ADAMTS9: variants seen among roughly 807,000 people sequenced by gnomAD.
ADAMTS9 encodes the protein ADAM metallopeptidase with thrombospondin type 1 motif 9.
Under a neutral mutation model 257.1 loss-of-function variants are expected in ADAMTS9, and 107 were observed. The observed-to-expected ratio is 0.42, with a 90% CI of 0.36 to 0.49. ADAMTS9 has a LOEUF of 0.49. Among genes scored for constraint, ADAMTS9 ranks in the 20% least tolerant of loss-of-function variants. The pLI, the probability that ADAMTS9 is intolerant of heterozygous loss-of-function variation, is 0.03. For missense variants in ADAMTS9, 2,353 were observed against 2,469.1 expected (o/e 0.95, Z 1.00); for synonymous variants, 982 against 880.9 (o/e 1.11, Z -2.03).
In ADAMTS9 at chr3:64,596,979, A is replaced by G. The variant is rs200450871; in HGVS notation, c.4030T>C (p.Cys1344Arg). Residue 1344 changes from cysteine (C) to arginine (R), a missense_variant, in exon 27 of 40, where the codon TGT (cysteine) becomes CGT (arginine). Coordinates refer to ENST00000498707, the MANE Select transcript of ADAMTS9 (RefSeq NM_182920.2). ...TGPWGACSSTCAGGSQRRVVV... is the reference protein window; with the variant it reads ...TGPWGACSSTRAGGSQRRVVV... Reference sequence around the variant, plus strand: ...ACACGCCGCTGGGATCCGCCAGCACAGGTACTGGAACACTAAACACATCAG... The same window carrying G: ...ACACGCCGCTGGGATCCGCCAGCACGGGTACTGGAACACTAAACACATCAG... 1 of 1,613,934 alleles carries G rather than the reference A, an allele frequency of 6.2e-7. No homozygotes were observed. Among genetic ancestry groups the G allele is most frequent in the East Asian group, 2.2e-5 (1 of 44,852 alleles).
intron 29 of ADAMTS9, chr3:64,563,037 T>G (rs2083455234): frequency 6.6e-6 from 1 of 152,194 alleles, no homozygotes; most frequent in African/African-American, 2.4e-5. Context: ...TGGATCAACA[T>G]AGCTACTATT....
intron 37 of ADAMTS9, 86 bp from the exon 38 acceptor site, chr3:64,533,356 C>A (rs1273596708): frequency 9.6e-7 from 1 of 1,042,986 alleles, no homozygotes; most frequent in Non-Finnish European, 1.5e-6. Context: ...ATAAAAGGTA[C>A]TTTGGAAAAG....
chr3:64,615,579 A>G, intron 20 of ADAMTS9, 94 bp from the exon 21 acceptor site: 1 of 1,302,126 alleles, frequency 7.7e-7, no homozygotes, highest in Non-Finnish European at 1.0e-6. Flanking sequence ...AGCTCTTAAG[A>G]AACAACACAC....
intron 9 of ADAMTS9, 56 bp from the exon 10 acceptor site, chr3:64,649,834 C>A: frequency 6.4e-7 from 1 of 1,559,944 alleles, no homozygotes. Flanking sequence ...TCAAGGTCTC[C>A]CCCAGGTAAC....
chr3:64,551,335 G>A (rs531161189), intron 30 of ADAMTS9, among the ~76,000 whole-genome samples: 7 of 152,046 alleles, frequency 4.6e-5, no homozygotes, highest in Admixed American at 2.0e-4. Context: ...TCAGCCTCCC[G>A]AGTAGCTGGG....
rs571044504 is a variant in ADAMTS9 at position 64,541,988 on chromosome 3, G to A, written c.5065-18C>T. The A allele has an allele frequency of 6.9e-5, 112 of 1,613,840 alleles. 1 individual carries two copies. In the South Asian group the frequency reaches 1.2e-3, roughly 17 times the overall value. On this transcript the variant is annotated intron_variant, in intron 32 of 39. Coordinates refer to ENST00000498707, the MANE Select transcript of ADAMTS9 (RefSeq NM_182920.2). ...ACTGAGCACTGTAAGACAAATGAGA[G>A]TCAGCGGTGTGGCTATGGAATGTGG...
At chr3:64,544,207 T>C (rs1190817575) in intron 32 of ADAMTS9, among the ~76,000 whole-genome samples, 3 of 152,150 alleles carry the variant, frequency 2.0e-5, no homozygotes, top group African/African-American at 7.2e-5. Context: ...ATTTAAAGAT[T>C]CAATGCCATC....
At chr3:64,555,966 G>C (rs748872349) in intron 30 of ADAMTS9, among the ~76,000 whole-genome samples, 1 of 152,154 alleles carries the variant, frequency 6.6e-6, no homozygotes, top group African/African-American at 2.4e-5. Context: ...AATAAAATGA[G>C]CAATAAAGAG....
intron 38 of ADAMTS9, among the ~76,000 whole-genome samples, chr3:64,529,210 AAG>A (rs1363017398): frequency 8.5e-5 from 13 of 152,214 alleles, no homozygotes; most frequent in Non-Finnish European, 1.9e-4. Flanking sequence ...AAACCAGAGA[AAG>A]AGTGCTCTCC....
intron 39 of ADAMTS9, among the ~76,000 whole-genome samples, chr3:64,520,629 C>A (rs2082837806): frequency 6.6e-6 from 1 of 152,038 alleles, no homozygotes; most frequent in South Asian, 2.1e-4. Context: ...GAATAAGGAA[C>A]CCAGAAATAA....
chr3:64,601,815 G>C, intron 26 of ADAMTS9, 129 bp downstream of exon 26: 1 of 1,156,694 alleles, frequency 8.6e-7, no homozygotes, highest in Non-Finnish European at 1.2e-6. Context: ...GTTACTCAAA[G>C]CAAATGAAAA....
intron 26 of ADAMTS9, among the ~76,000 whole-genome samples, chr3:64,598,910 G>A (rs1317513564): frequency 6.6e-6 from 1 of 152,122 alleles, no homozygotes; most frequent in Admixed American, 6.5e-5. Context: ...CTTCCATAGT[G>A]CTGGTCACAG....
chr3:64,650,627 A>C (rs1700909914), intron 9 of ADAMTS9: 1 of 168,398 alleles, frequency 5.9e-6, no homozygotes, highest in South Asian at 1.6e-4. Flanking sequence ...CTTTGGGATC[A>C]TCTCACTACC....
chr3:64,582,702 T>C (rs1287537024), intron 28 of ADAMTS9: 4 of 152,166 alleles, frequency 2.6e-5, no homozygotes, highest in African/African-American at 9.7e-5. Flanking sequence ...GCATCTACAA[T>C]GTCCCAAACA....
At chr3:64,557,227 A>G (rs746848547) in intron 30 of ADAMTS9, among the ~76,000 whole-genome samples, 1 of 152,312 alleles carries the variant, frequency 6.6e-6, no homozygotes, top group South Asian at 2.1e-4. Context: ...AGAAGAGTGT[A>G]TTCCAGGTAA....
At chr3:64,559,299 G>T (rs1235548252) in intron 30 of ADAMTS9, among the ~76,000 whole-genome samples, 1 of 152,082 alleles carries the variant, frequency 6.6e-6, no homozygotes, top group Non-Finnish European at 1.5e-5. Context: ...TTTTGGTGGG[G>T]CTTCTCCCCA....
chr3:64,601,683 C>T (rs2084464307), intron 26 of ADAMTS9, among the ~76,000 whole-genome samples: 1 of 152,100 alleles, frequency 6.6e-6, no homozygotes. Context: ...ACGGTACCTC[C>T]AGGAGGCCAT....
At chr3:64,578,341 T>A (rs1013355640) in intron 28 of ADAMTS9, among the ~76,000 whole-genome samples, 3 of 150,966 alleles carry the variant, frequency 2.0e-5, no homozygotes, top group Non-Finnish European at 4.4e-5. Context: ...GGATGAGCAG[T>A]AATAACCAGA....
chr3:64,543,533 T>C (rs932006007), intron 32 of ADAMTS9, among the ~76,000 whole-genome samples: 2 of 152,304 alleles, frequency 1.3e-5, no homozygotes, highest in African/African-American at 4.8e-5. Context: ...ATTATCTCAA[T>C]AGATGCAGAA....
Sources: allele counts gnomAD v4.1 joint callset (sites outside exome capture counted in the v4.1 genomes callset), GRCh38; gene constraint gnomAD v4.1.1; transcripts MANE v1.5; gene names NCBI Gene and HGNC (gene_info 2026-07-23, HGNC 2026-07-21).